TMEM178B: variants seen among roughly 807,000 people sequenced by gnomAD.
TMEM178B encodes transmembrane protein 178B.
A neutral mutation model predicts 31.0 loss-of-function variants in TMEM178B; 5 were observed. The observed-to-expected ratio is 0.16, with a 90% CI of 0.08 to 0.34. The LOEUF (loss-of-function observed/expected upper bound fraction) is 0.34. TMEM178B is among the 10% of genes least tolerant of loss of function. The pLI is 1.00. For missense variants in TMEM178B, 275 were observed against 400.3 expected, an observed-to-expected ratio of 0.69 and a Z score of 2.67; for synonymous variants, 164 against 164.0, an observed-to-expected ratio of 1.00 and a Z score of 0.00.
chr7:141,241,586 G>A (rs118180164), intron 2 of TMEM178B, among the ~76,000 whole-genome samples: 6,900 of 110,832 alleles, frequency 0.062, 310 homozygotes, highest in East Asian at 0.21. Flanking sequence ...GCGGGACTTC[G>A]TCTCAAAAAA....
At chr7:141,482,938 T>G (rs1385528016), downstream of TMEM178B, among the ~76,000 whole-genome samples, 2 of 151,444 alleles carry the variant, frequency 1.3e-5, no homozygotes, top group Non-Finnish European at 2.9e-5. Flanking sequence ...GGGGGTGGTG[T>G]TAGTCACCTA....
intron 2 of TMEM178B, among the ~76,000 whole-genome samples, chr7:141,308,676 C>T (rs186153264): frequency 3.2e-4 from 49 of 152,240 alleles, no homozygotes; most frequent in African/African-American, 1.2e-3. Flanking sequence ...CTCCTATCAC[C>T]GTAGAGTAGC....
chr7:141,365,555 C>G (rs1363769727), intron 2 of TMEM178B, among the ~76,000 whole-genome samples: 1 of 152,188 alleles, frequency 6.6e-6, no homozygotes, highest in Non-Finnish European at 1.5e-5. Context: ...ATGTAAAGAT[C>G]TTGACACAGA....
At chr7:141,267,733 T>C (rs980944208) in intron 2 of TMEM178B, among the ~76,000 whole-genome samples, 2 of 152,262 alleles carry the variant, frequency 1.3e-5, no homozygotes, top group Non-Finnish European at 2.9e-5. Context: ...GACATTTTTA[T>C]ATTTAATTTA....
chr7:141,367,640 A>G (rs959836625), intron 2 of TMEM178B, among the ~76,000 whole-genome samples: 4 of 152,104 alleles, frequency 2.6e-5, no homozygotes, highest in African/African-American at 9.7e-5. Context: ...GAGATAAAAC[A>G]TTTTCTTAAA....
chr7:141,429,168 A>G (rs1801375340), intron 2 of TMEM178B, among the ~76,000 whole-genome samples: 1 of 152,216 alleles, frequency 6.6e-6, no homozygotes, highest in Admixed American at 6.5e-5. Context: ...ACTACTGACT[A>G]TATACCCAAA....
Position 141,421,305 on chromosome 7 carries a change from C to T in TMEM178B, c.497-16303C>T, listed in dbSNP as rs182190547. On this transcript the variant is annotated intron_variant, in intron 2 of 3. Transcript: ENST00000565468. ...ATAAGTTGCTACTCTCACATTTCCA[C>T]TTTGTAAAGACTGGTATATCCTGCA... Among the ~76,000 whole-genome samples the T allele has an allele frequency of 1.9e-4, 29 of 152,326 alleles. No homozygotes were observed. In the East Asian group the frequency reaches 5.4e-3, roughly 28 times the overall value.
intron 2 of TMEM178B, chr7:141,416,086 T>G (rs1801090603): frequency 6.5e-6 from 1 of 152,790 alleles, no homozygotes; most frequent in Non-Finnish European, 1.5e-5. Context: ...GTTTCTGCTT[T>G]CTTGCAGTTC....
At chr7:141,104,044 C>T (rs1028476484) in intron 1 of TMEM178B, among the ~76,000 whole-genome samples, 1 of 152,130 alleles carries the variant, frequency 6.6e-6, no homozygotes, top group Non-Finnish European at 1.5e-5. Context: ...CCATGCACAA[C>T]CGAAAAAACC....
chr7:141,306,152 G>A (rs560922344), intron 2 of TMEM178B, among the ~76,000 whole-genome samples: 1 of 152,300 alleles, frequency 6.6e-6, no homozygotes, highest in South Asian at 2.1e-4. Context: ...TGCCGTTAAT[G>A]TCATTCATAT....
At chr7:141,353,310 G>A (rs149461986) in intron 2 of TMEM178B, among the ~76,000 whole-genome samples, 2 of 152,226 alleles carry the variant, frequency 1.3e-5, no homozygotes, top group African/African-American at 4.8e-5. Context: ...CCAGCCTAAA[G>A]GTTCACAGCT....
Position 141,115,931 on chromosome 7 carries a change from G to T in TMEM178B, c.382+41239G>T, listed in dbSNP as rs543935861. 2.0e-5 allele frequency among the ~76,000 whole-genome samples: 3 copies of T among 152,216 alleles called. 1 individual carries two copies. Among genetic ancestry groups the T allele is most frequent in the Non-Finnish European group, 2.9e-5 (2 of 68,016 alleles). Reference sequence around the variant, plus strand: ...CTCATATATCCATGAAACCAGATGAGATTTACACGTTAAAAATAAATAAAA... The same window carrying T: ...CTCATATATCCATGAAACCAGATGATATTTACACGTTAAAAATAAATAAAA... On this transcript the variant is annotated intron_variant, in intron 1 of 3. Transcript: ENST00000565468.
At chr7:141,487,612 A>G in the TMEM178B span, among the ~76,000 whole-genome samples, 1 of 151,748 alleles carries the variant, frequency 6.6e-6, no homozygotes, top group Non-Finnish European at 1.5e-5. Context: ...GTGGGGGCGC[A>G]TGTCTGCAGT....
intron 3 of TMEM178B, among the ~76,000 whole-genome samples, chr7:141,448,581 T>A (rs946580990): frequency 6.6e-6 from 1 of 152,126 alleles, no homozygotes; most frequent in South Asian, 2.1e-4. Flanking sequence ...GAGATGGCTG[T>A]ATAGGAAAGC....
At chr7:141,398,336 A>G (rs1183042028) in intron 2 of TMEM178B, among the ~76,000 whole-genome samples, 1 of 152,202 alleles carries the variant, frequency 6.6e-6, no homozygotes, top group Non-Finnish European at 1.5e-5. Context: ...ATCTGGGAAC[A>G]TTGAGGATGG....
intron 1 of TMEM178B, among the ~76,000 whole-genome samples, chr7:141,148,361 A>G (rs1222138061): frequency 5.9e-5 from 9 of 152,230 alleles, no homozygotes; most frequent in Non-Finnish European, 1.3e-4. Context: ...ACATCTTTAG[A>G]GGAGCATTAT....
chr7:141,180,881 G>A (rs1289865682), intron 1 of TMEM178B, among the ~76,000 whole-genome samples: 1 of 152,042 alleles, frequency 6.6e-6, no homozygotes, highest in Non-Finnish European at 1.5e-5. Context: ...TAAACTTCTA[G>A]GTTTTATTGT....
chr7:141,508,208 C>A, the TMEM178B span, among the ~76,000 whole-genome samples: 1 of 152,146 alleles, frequency 6.6e-6, no homozygotes, highest in East Asian at 1.9e-4. Context: ...CAAAATTCCA[C>A]AAATCTCTAG....
intron 2 of TMEM178B, among the ~76,000 whole-genome samples, chr7:141,303,302 A>G (rs1306821634): frequency 3.3e-5 from 5 of 152,196 alleles, no homozygotes; most frequent in Non-Finnish European, 7.3e-5. Flanking sequence ...TGTAGCCTCC[A>G]GAAGGTACAA....
Sources: allele counts gnomAD v4.1 joint callset (sites outside exome capture counted in the v4.1 genomes callset), GRCh38; gene constraint gnomAD v4.1.1; transcripts MANE v1.5; gene names NCBI Gene and HGNC (gene_info 2026-07-23, HGNC 2026-07-21).